The following DPH6 variants were observed in gnomAD, a reference collection of about 807,000 sequenced individuals.
The protein encoded by DPH6 is diphthine--ammonia ligase.
A neutral mutation model predicts 38.2 loss-of-function variants in DPH6; 33 were observed. The ratio of observed to expected loss-of-function variants is 0.86; its 90% confidence interval spans 0.65 to 1.15. DPH6 has a LOEUF of 1.15. Among genes scored for constraint, DPH6 ranks in the 50% most tolerant of loss-of-function variants. DPH6 has a pLI of 0.00. For synonymous variants in DPH6, 108 were observed against 103.0 expected, an observed-to-expected ratio of 1.05 and a Z score of -0.30; for missense variants, 325 against 320.0, an observed-to-expected ratio of 1.02 and a Z score of -0.12.
chr15:35,521,705 T>A (rs1190456180), intron 3 of DPH6: 4 of 1,231,354 alleles, frequency 3.2e-6, no homozygotes, highest in Non-Finnish European at 4.0e-6. Flanking sequence ...CATATTAAAA[T>A]CAATTTTAGT....
intron 6 of DPH6, among the ~76,000 whole-genome samples, chr15:35,384,042 C>A (rs150304790): frequency 7.9e-4 from 121 of 152,274 alleles, no homozygotes; most frequent in African/African-American, 2.8e-3. Context: ...TTTCTATTTA[C>A]CTTTCTAAAA....
At chr15:35,416,594 T>A (rs186799238) in intron 5 of DPH6, among the ~76,000 whole-genome samples, 1 of 152,212 alleles carries the variant, frequency 6.6e-6, no homozygotes, top group African/African-American at 2.4e-5. Flanking sequence ...TATTTACTTC[T>A]ATCAGGCTAA....
At chr15:35,414,090 T>C (rs978543842) in intron 5 of DPH6, among the ~76,000 whole-genome samples, 1 of 147,960 alleles carries the variant, frequency 6.8e-6, no homozygotes, top group Non-Finnish European at 1.5e-5. Context: ...CCATTATTTT[T>C]AGCAAGAAAA....
intron 2 of DPH6, among the ~76,000 whole-genome samples, chr15:35,541,454 C>A (rs2141567438): frequency 6.6e-6 from 1 of 152,116 alleles, no homozygotes; most frequent in African/African-American, 2.4e-5. Flanking sequence ...ATAATCAATC[C>A]ATTTAAAGAT....
chr15:35,381,247 A>G (rs2140938112), intron 7 of DPH6, among the ~76,000 whole-genome samples: 1 of 152,322 alleles, frequency 6.6e-6, no homozygotes, highest in East Asian at 1.9e-4. Flanking sequence ...TGATAAGGTA[A>G]CAAACTGAAG....
intron 1 of DPH6, among the ~76,000 whole-genome samples, chr15:35,545,573 G>A (rs1193645747): frequency 1.3e-5 from 2 of 152,222 alleles, no homozygotes; most frequent in Non-Finnish European, 2.9e-5. Flanking sequence ...CATCTGTGAA[G>A]ATGAGGGAGG....
In DPH6 at chr15:35,381,901, C is replaced by CAT; in HGVS notation, c.581_582dup (p.Gly195MetfsTer26). 1 of 1,611,938 alleles carries CAT rather than the reference C, an allele frequency of 6.2e-7. No homozygotes were observed. On this transcript the variant is annotated frameshift_variant, in exon 7 of 9. Transcript: ENST00000256538. LOFTEE classifies it high-confidence loss of function. ...CCACCTTCTCCACAAACATGTACTC[C>CAT]ATACTTCTTAGAAAGCTGAAAATAG...
At chr15:35,201,788 A>G in the DPH6 span, among the ~76,000 whole-genome samples, 1 of 151,716 alleles carries the variant, frequency 6.6e-6, no homozygotes, top group Non-Finnish European at 1.5e-5. Flanking sequence ...AATATATTAT[A>G]TATTTTCTAT....
Position 35,241,034 on chromosome 15 carries a change from G to A in DPH6, n.201-20452C>T, listed in dbSNP as rs1250557700. On this transcript the variant is annotated intron_variant and non_coding_transcript_variant, in intron 3 of 3. Coordinates refer to the DPH6 transcript ENST00000560386. ...GTTCCTCCAGAACCTCCTCCCACAG[G>A]AGCTTGCTACACGTGCCGGAAATCT... Among the ~76,000 whole-genome samples the A allele has an allele frequency of 2.8e-5, 4 of 143,280 alleles. 1 individual carries two copies. Among genetic ancestry groups the A allele is most frequent in the African/African-American group, 5.1e-5 (2 of 39,488 alleles). 94.0% of individuals were successfully genotyped at this position (143,280 alleles called of 152,430 possible). A position where few individuals can be genotyped will look rare whatever the true frequency, so the allele number is the denominator to read the frequency against.
At chr15:35,277,316 C>G (rs1270489544) in intron 3 of DPH6, among the ~76,000 whole-genome samples, 1 of 151,930 alleles carries the variant, frequency 6.6e-6, no homozygotes, top group African/African-American at 2.4e-5. Flanking sequence ...GTTCTAGGAG[C>G]TTTTTGGAGG....
intron 3 of DPH6, among the ~76,000 whole-genome samples, chr15:35,287,427 TA>T (rs1234951219): frequency 6.6e-6 from 1 of 152,178 alleles, no homozygotes; most frequent in Non-Finnish European, 1.5e-5. Context: ...CAGAACTCAA[TA>T]AATAATGTTT....
chr15:35,173,846 T>C, the DPH6 span, among the ~76,000 whole-genome samples: 2 of 152,204 alleles, frequency 1.3e-5, no homozygotes, highest in Non-Finnish European at 2.9e-5. Flanking sequence ...GTTAGACTTA[T>C]CTTTTACTGG....
chr15:35,189,054 G>A, the DPH6 span, among the ~76,000 whole-genome samples: 1 of 152,096 alleles, frequency 6.6e-6, no homozygotes, highest in African/African-American at 2.4e-5. Flanking sequence ...GGAAGTGAAC[G>A]GTGATGCTCT....
At chr15:35,447,606 A>T (rs2053872763) in intron 5 of DPH6, among the ~76,000 whole-genome samples, 1 of 152,142 alleles carries the variant, frequency 6.6e-6, no homozygotes, top group Admixed American at 6.5e-5. Flanking sequence ...AAGAATCACA[A>T]GACACTTGGC....
At chr15:35,398,538 C>A (rs8032099) in intron 6 of DPH6, among the ~76,000 whole-genome samples, 5,352 of 152,060 alleles carry the variant, frequency 0.035, 296 homozygotes, top group African/African-American at 0.12. Flanking sequence ...TGAGAGACAG[C>A]CTGGAAGCTC....
intron 3 of DPH6, among the ~76,000 whole-genome samples, chr15:35,280,937 T>C (rs570650189): frequency 6.6e-6 from 1 of 152,160 alleles, no homozygotes; most frequent in Admixed American, 6.5e-5. Context: ...TCAAATATGA[T>C]ATATATATTT....
intron 7 of DPH6, 48 bp from the exon 8 acceptor site, chr15:35,373,656 G>A (rs1486747078): frequency 1.3e-6 from 2 of 1,500,706 alleles, no homozygotes; most frequent in Non-Finnish European, 1.8e-6. Context: ...CAAAAATTGT[G>A]ACAAATCATT....
intron 3 of DPH6, among the ~76,000 whole-genome samples, chr15:35,478,199 T>C (rs549724170): frequency 3.9e-4 from 59 of 152,068 alleles, no homozygotes; most frequent in African/African-American, 1.3e-3. Context: ...TATCACATTA[T>C]GTGTAAAGGT....
At chr15:35,285,883 T>TTTTTTTTTTTTTTTTTTTTTTTTTTC (rs1566859800) in intron 3 of DPH6, among the ~76,000 whole-genome samples, 1 of 139,370 alleles carries the variant, frequency 7.2e-6, no homozygotes, top group Non-Finnish European at 1.5e-5. Context: ...TTTTTTTTTT[T>TTTTTTTTTTTTTTTTTTTTTTTTTTC]TTTTTTACCT....
Sources: allele counts gnomAD v4.1 joint callset (sites outside exome capture counted in the v4.1 genomes callset), GRCh38; gene constraint gnomAD v4.1.1; transcripts MANE v1.5; gene names NCBI Gene and HGNC (gene_info 2026-07-23, HGNC 2026-07-21).